Variants in EPS8 observed in about 807,000 individuals in gnomAD.
EPS8 encodes epidermal growth factor receptor kinase substrate 8.
In EPS8, 42 loss-of-function variants were observed where a neutral mutation model predicts 103.8. The observed-to-expected ratio is 0.40, with a 90% CI of 0.32 to 0.52. The LOEUF is 0.52. EPS8 is among the 20% of genes least tolerant of loss of function. The probability of loss-of-function intolerance (pLI) is 0.40; values close to 1 mark genes in which losing one functional copy is unlikely to be tolerated. For missense variants in EPS8, 969 were observed against 1,005.1 expected, an observed-to-expected ratio of 0.96 and a Z score of 0.49; for synonymous variants, 344 against 344.6, an observed-to-expected ratio of 1.00 and a Z score of 0.02.
chr12:15,788,187 T>C (rs922729878), intron 1 of EPS8, among the ~76,000 whole-genome samples: 5 of 152,368 alleles, frequency 3.3e-5, no homozygotes, highest in African/African-American at 7.2e-5. Flanking sequence ...AAGTTTTACC[T>C]GAACTCATCC....
intron 17 of EPS8, among the ~76,000 whole-genome samples, chr12:15,636,775 CCTATT>C (rs1394726608): frequency 2.6e-5 from 4 of 152,082 alleles, no homozygotes; most frequent in African/African-American, 9.7e-5. Context: ...ACAAAAATGT[CCTATT>C]CTAAGTAAAT....
intron 1 of EPS8, among the ~76,000 whole-genome samples, chr12:15,730,411 A>T (rs1946701262): frequency 6.6e-6 from 1 of 151,990 alleles, no homozygotes; most frequent in Non-Finnish European, 1.5e-5. Context: ...CTTTTTTTTT[A>T]GCACTTGATT....
At position 15,696,821 on chromosome 12, in the gene EPS8, T is replaced by C. The variant is rs369668429; in HGVS notation, c.-21-13849A>G. Among the ~76,000 whole-genome samples, 101 of 152,090 alleles carry C rather than the reference T, an allele frequency of 6.6e-4. No homozygotes were observed. The South Asian group carries it at 8.3e-3, about 13-fold the overall frequency. ...CATTCCTAAACTCGGGCATGTGGAA[T>C]TAAAACCAAGCAGAAACACACCACT... is the stretch of plus-strand genomic sequence containing the variant. On this transcript the variant is annotated intron_variant, in intron 1 of 20. Coordinates refer to ENST00000281172, the MANE Select transcript of EPS8 (RefSeq NM_004447.6). The surrounding 1 kb of genome is among the most constrained non-coding windows in gnomAD (Gnocchi z 4.8).
intron 8 of EPS8, 198 bp downstream of exon 8, chr12:15,665,558 T>C (rs1264061786): frequency 1.8e-6 from 1 of 569,312 alleles, no homozygotes; most frequent in Non-Finnish European, 3.1e-6. Context: ...CTCAAACTCC[T>C]GACCTCAGGT....
At chr12:15,658,698 C>A in intron 10 of EPS8, 113 bp from the exon 11 acceptor site, 1 of 723,284 alleles carries the variant, frequency 1.4e-6, no homozygotes, top group Non-Finnish European at 2.5e-6. Context: ...ATCAGACATG[C>A]TACCTAGTTA....
intron 1 of EPS8, among the ~76,000 whole-genome samples, chr12:15,711,988 T>C (rs1946471390): frequency 6.6e-6 from 1 of 152,174 alleles, no homozygotes; most frequent in South Asian, 2.1e-4. Flanking sequence ...TGTTTTTAAA[T>C]AGCCTTGCAC....
At chr12:15,665,247 C>T (rs964283717) in intron 8 of EPS8, 9 of 153,508 alleles carry the variant, frequency 5.9e-5, no homozygotes, top group African/African-American at 1.5e-4. Context: ...AACCCTAATA[C>T]CATATTTATT....
chr12:15,784,835 A>G lies in EPS8; in HGVS notation c.-22+4326T>C, dbSNP rs1947294701. ...CTCAGGAAGACATGGATGAACCTTAAATGTGTATTGCTAAATGAAAGAAGC... is the reference window on the plus strand; with the variant it reads ...CTCAGGAAGACATGGATGAACCTTAGATGTGTATTGCTAAATGAAAGAAGC... On this transcript the variant is annotated intron_variant, in intron 1 of 20. Coordinates refer to ENST00000281172, the MANE Select transcript of EPS8 (RefSeq NM_004447.6). The surrounding 1 kb of genome is among the most constrained non-coding windows in gnomAD (Gnocchi z 4.0). Among the ~76,000 whole-genome samples the G allele has an allele frequency of 1.3e-5, 2 of 152,132 alleles. No individual in the cohort carries two copies. The highest frequency in any genetic ancestry group is 4.8e-5 in the African/African-American group (2 of 41,456).
At chr12:15,646,378 C>T (rs1047977793) in intron 15 of EPS8, among the ~76,000 whole-genome samples, 3 of 152,196 alleles carry the variant, frequency 2.0e-5, no homozygotes, top group Admixed American at 1.3e-4. Context: ...AGTACTAGGC[C>T]GAGTTCTCTA....
At chr12:15,671,825 C>A (rs1052808376) in intron 3 of EPS8, 1 of 152,140 alleles carries the variant, frequency 6.6e-6, no homozygotes, top group Admixed American at 6.5e-5. Context: ...TGTTACTTTT[C>A]TAATCAAGCA....
In EPS8 at chr12:15,727,447, A is replaced by C. The variant is rs1245857070; in HGVS notation, c.-21-44475T>G. 6.6e-6 allele frequency among the ~76,000 whole-genome samples: 1 copy of C among 152,226 alleles called. No homozygotes were observed. Among genetic ancestry groups the C allele is most frequent in the African/African-American group, 2.4e-5 (1 of 41,458 alleles). On this transcript the variant is annotated intron_variant, in intron 1 of 20. Transcript: ENST00000281172. The surrounding 1 kb of genome is among the most constrained non-coding windows in gnomAD (Gnocchi z 4.3). ...GTTTTATTTTAAACATAATTGAAAC[A>C]CTTTAATATTTCCTTTAATGTTGGT...
At chr12:15,663,938 A>ATAATATAAT (rs1398079111) in intron 8 of EPS8, among the ~76,000 whole-genome samples, 1 of 36,416 alleles carries the variant, frequency 2.7e-5, no homozygotes, top group Non-Finnish European at 6.0e-5. Context: ...AAAAAAAAAA[A>ATAATATAAT]AAAAAAAATA....
intron 1 of EPS8, among the ~76,000 whole-genome samples, chr12:15,705,678 C>G (rs1946376326): frequency 6.6e-6 from 1 of 152,152 alleles, no homozygotes; most frequent in Non-Finnish European, 1.5e-5. Context: ...AATGTACCTT[C>G]CTTTTAAAAA....
chr12:15,768,758 A>T (rs1227268120), intron 1 of EPS8, among the ~76,000 whole-genome samples: 2 of 152,304 alleles, frequency 1.3e-5, no homozygotes, highest in East Asian at 3.9e-4. Context: ...ACATTAAACA[A>T]TATTGACATA....
intron 1 of EPS8, among the ~76,000 whole-genome samples, chr12:15,720,769 G>GC (rs1946586641): frequency 6.6e-6 from 1 of 151,954 alleles, no homozygotes; most frequent in South Asian, 2.1e-4. Flanking sequence ...TGCTCACTTT[G>GC]CCCCAGCTGT....
rs1477731001 is a variant in EPS8, at chr12:15,757,640, A to G, written c.-22+31521T>C. Among the ~76,000 whole-genome samples the G allele has an allele frequency of 7.2e-5, 11 of 152,040 alleles. No individual in the cohort carries two copies. The highest frequency in any genetic ancestry group is 1.5e-4 in the Non-Finnish European group (10 of 67,998). On this transcript the variant is annotated intron_variant, in intron 1 of 20. Transcript: ENST00000281172. This position sits in a 1 kb window ranked among gnomAD's most constrained non-coding sequence, Gnocchi z 4.1. Reference sequence around the variant, plus strand: ...CGAGACTCCGTCTGAAGAAAAAAAAAAGAAAAAGAAAAAGAAAAAGATGAA... The same window carrying G: ...CGAGACTCCGTCTGAAGAAAAAAAAGAGAAAAAGAAAAAGAAAAAGATGAA...
rs1316629409 is a variant in EPS8 at position 15,757,663 on chromosome 12, G to A, written c.-22+31498C>T. ...AAAAGAAAAAGAAAAAGAAAAAGAT[G>A]AAGTGGCCACCACTTAAGTGATCAA... On this transcript the variant is annotated intron_variant, in intron 1 of 20. Transcript: ENST00000281172. This position sits in a 1 kb window ranked among gnomAD's most constrained non-coding sequence, Gnocchi z 4.1. Among the ~76,000 whole-genome samples the A allele has an allele frequency of 6.6e-6, 1 of 151,984 alleles. No homozygotes were observed. Among genetic ancestry groups the A allele is most frequent in the African/African-American group, 2.4e-5 (1 of 41,390 alleles).
rs917161262 is a variant in EPS8, at chr12:15,787,963, T to C, written c.-22+1198A>G. The stretch of plus-strand genomic sequence containing the variant: ...TTGACTTTAATTCCAATAGACTCAC[T>C]ACCACATGACGTCCATTACTAGTGC... On this transcript the variant is annotated intron_variant, in intron 1 of 20. Transcript: ENST00000281172. This position sits in a 1 kb window ranked among gnomAD's most constrained non-coding sequence, Gnocchi z 4.9. The C allele has an allele frequency of 4.6e-5, 7 of 152,300 alleles. No homozygotes were observed. Among genetic ancestry groups the C allele is most frequent in the African/African-American group, 1.4e-4 (6 of 41,568 alleles). 9.4% of individuals were successfully genotyped at this position (152,300 alleles called of 1,614,324 possible).
rs1234436536 is a variant in EPS8, at chr12:15,747,787, G to A, written c.-22+41374C>T. Among the ~76,000 whole-genome samples the A allele has an allele frequency of 1.3e-5, 2 of 152,146 alleles. No individual in the cohort carries two copies. Among genetic ancestry groups the A allele is most frequent in the African/African-American group, 2.4e-5 (1 of 41,424 alleles). On this transcript the variant is annotated intron_variant, in intron 1 of 20. Coordinates refer to ENST00000281172, the MANE Select transcript of EPS8 (RefSeq NM_004447.6). The surrounding 1 kb of genome is among the most constrained non-coding windows in gnomAD (Gnocchi z 4.4). ...TGTAATCCCAGCACTTTGGGAGGCC[G>A]AGGTGGGCGGATCACGAGGTCAGGA...
Sources: allele counts gnomAD v4.1 joint callset (sites outside exome capture counted in the v4.1 genomes callset), GRCh38; gene constraint gnomAD v4.1.1; non-coding constraint Gnocchi (gnomAD v3.1); transcripts MANE v1.5; gene names NCBI Gene and HGNC (gene_info 2026-07-23, HGNC 2026-07-21).